Variants in ARHGAP42 observed in about 807,000 individuals in gnomAD.
ARHGAP42 encodes the protein rho GTPase-activating protein 42.
In ARHGAP42, 63 loss-of-function variants were observed where a neutral mutation model predicts 125.0. The ratio of observed to expected loss-of-function variants is 0.50; its 90% CI spans 0.41 to 0.62. The LOEUF (loss-of-function observed/expected upper bound fraction) is 0.62. ARHGAP42 is among the 20% of genes least tolerant of loss of function. The pLI is 0.00. For synonymous variants in ARHGAP42, 339 were observed against 351.0 expected (o/e 0.97, Z 0.38); for missense variants, 766 against 1,024.2 (o/e 0.75, Z 3.44).
At position 100,988,969 on chromosome 11, in the gene ARHGAP42, A is replaced by G. The variant is rs577035598; in HGVS notation, c.*168A>G. The G allele has an allele frequency of 4.0e-6, 2 of 497,238 alleles. No homozygotes were observed. The highest frequency in any genetic ancestry group is 5.8e-5 in the East Asian group (2 of 34,596). 30.8% of individuals were successfully genotyped at this position (497,238 alleles called of 1,614,324 possible). A position where few individuals can be genotyped will look rare whatever the true frequency, so the allele number is the denominator to read the frequency against. ...TAGCTCCTTATTAATGGAAAAAAAG[A>G]TTTAAATTGTTGGCCATTCTTTTTT... On this transcript the variant is annotated 3_prime_UTR_variant, in exon 24 of 24. Transcript: ENST00000298815.
intron 2 of ARHGAP42, among the ~76,000 whole-genome samples, chr11:100,780,779 A>G (rs984656065): frequency 1.3e-5 from 2 of 152,244 alleles, no homozygotes; most frequent in African/African-American, 4.8e-5. Flanking sequence ...TGGCATAAGT[A>G]GTTTAAATTT....
intron 1 of ARHGAP42, among the ~76,000 whole-genome samples, chr11:100,761,834 A>C (rs1367927267): frequency 2.0e-5 from 3 of 152,254 alleles, no homozygotes; most frequent in Non-Finnish European, 2.9e-5. Context: ...CAGTATTTCA[A>C]GTTTCTGTTC....
intron 1 of ARHGAP42, among the ~76,000 whole-genome samples, chr11:100,741,555 C>A (rs1396943079): frequency 1.3e-5 from 2 of 152,174 alleles, no homozygotes; most frequent in South Asian, 2.1e-4. Context: ...ATTGAAGAAC[C>A]CTGAAGACCT....
At chr11:100,770,515 T>C in intron 2 of ARHGAP42, 77 bp downstream of exon 2, 1 of 993,152 alleles carries the variant, frequency 1.0e-6, no homozygotes, top group Non-Finnish European at 1.5e-6. Context: ...ACCTAAATAA[T>C]AAACATGTAA....
intron 6 of ARHGAP42, among the ~76,000 whole-genome samples, chr11:100,930,550 T>G (rs1348484946): frequency 6.6e-6 from 1 of 152,204 alleles, no homozygotes; most frequent in Non-Finnish European, 1.5e-5. Flanking sequence ...AAAAGGTATT[T>G]GTCTGCTACT....
intron 4 of ARHGAP42, among the ~76,000 whole-genome samples, chr11:100,903,706 C>CAAA (rs749877720): frequency 2.1e-3 from 67 of 32,528 alleles, no homozygotes; most frequent in African/African-American, 4.1e-3. Flanking sequence ...ACATGTCCCT[C>CAAA]AAAATATATA....
intron 4 of ARHGAP42, among the ~76,000 whole-genome samples, chr11:100,895,516 T>A (rs1030756339): frequency 8.8e-5 from 13 of 148,564 alleles, no homozygotes; most frequent in Admixed American, 7.4e-4. Flanking sequence ...TTTTTTTTAA[T>A]CCTAAGATCA....
intron 4 of ARHGAP42, among the ~76,000 whole-genome samples, chr11:100,894,191 T>C (rs1866287026): frequency 6.6e-6 from 1 of 152,162 alleles, no homozygotes; most frequent in Non-Finnish European, 1.5e-5. Flanking sequence ...AAATAGTTCT[T>C]TGGGATATTT....
At chr11:100,851,940 A>G (rs1202489518) in intron 3 of ARHGAP42, among the ~76,000 whole-genome samples, 1 of 152,184 alleles carries the variant, frequency 6.6e-6, no homozygotes, top group African/African-American at 2.4e-5. Context: ...GCTGATTTCA[A>G]CACAAGGTCA....
intron 2 of ARHGAP42, among the ~76,000 whole-genome samples, chr11:100,779,520 G>GCGTATATACACGTATATATATACA (rs1554996464): frequency 0.042 from 4,607 of 110,086 alleles, 423 homozygotes; most frequent in East Asian, 0.17. Context: ...ATATATATAC[G>GCGTATATACACGTATATATATACA]TATACATGCG....
chr11:100,960,297 C>A (rs6590832), intron 13 of ARHGAP42, among the ~76,000 whole-genome samples: 88,614 of 150,584 alleles, frequency 0.59, 26,827 homozygotes, highest in African/African-American at 0.68. Flanking sequence ...TCCCTTCCTT[C>A]CTTATAGTCT....
chr11:100,723,736 T>C (rs1175111781), intron 1 of ARHGAP42, among the ~76,000 whole-genome samples: 3 of 152,158 alleles, frequency 2.0e-5, no homozygotes, highest in Non-Finnish European at 2.9e-5. Flanking sequence ...TCTTCACAAT[T>C]TGTATTTCTT....
intron 3 of ARHGAP42, among the ~76,000 whole-genome samples, chr11:100,838,801 A>G (rs1054781512): frequency 6.6e-6 from 1 of 152,206 alleles, no homozygotes; most frequent in African/African-American, 2.4e-5. Context: ...GTTGAGGATC[A>G]GTTGTTGAGT....
intron 1 of ARHGAP42, among the ~76,000 whole-genome samples, chr11:100,699,500 ATATATATTTTTTTTTTTTT>A (rs1861357104): frequency 2.5e-5 from 1 of 40,140 alleles, no homozygotes; most frequent in Non-Finnish European, 4.3e-5. Flanking sequence ...ATATATATAT[ATATATATTTTTTTTTTTTT>A]TTTTTTTTTT....
intron 6 of ARHGAP42, among the ~76,000 whole-genome samples, chr11:100,930,772 G>C (rs1278824468): frequency 6.6e-6 from 1 of 152,188 alleles, no homozygotes; most frequent in Non-Finnish European, 1.5e-5. Flanking sequence ...GTCCGTAAGA[G>C]TTTTGGTTAG....
chr11:100,779,795 G>C (rs963831520), intron 2 of ARHGAP42, among the ~76,000 whole-genome samples: 1 of 151,834 alleles, frequency 6.6e-6, no homozygotes, highest in African/African-American at 2.4e-5. Context: ...GGAGGCTGAG[G>C]CAGGTGTATT....
intron 20 of ARHGAP42, 147 bp downstream of exon 20, chr11:100,976,584 C>A (rs1858397565): frequency 7.2e-6 from 9 of 1,251,980 alleles, no homozygotes; most frequent in Non-Finnish European, 9.7e-6. Flanking sequence ...ATTTTACAAC[C>A]TAGGCACTGT....
chr11:100,705,032 A>AG (rs1307159009), intron 1 of ARHGAP42, among the ~76,000 whole-genome samples: 10 of 141,088 alleles, frequency 7.1e-5, no homozygotes, highest in Admixed American at 2.2e-4. Flanking sequence ...AAAAAAAAAA[A>AG]AGAGAGAAGA....
At chr11:100,977,964 A>G (rs2135323459) in intron 21 of ARHGAP42, among the ~76,000 whole-genome samples, 1 of 152,342 alleles carries the variant, frequency 6.6e-6, no homozygotes, top group South Asian at 2.1e-4. Flanking sequence ...TTTCTCTGAC[A>G]GGAACCTTTT....
Sources: gnomAD v4.1 joint callset for allele counts (sites outside exome capture counted in the v4.1 genomes callset) on GRCh38, gnomAD v4.1.1 for gene constraint, MANE v1.5 for transcripts, NCBI Gene and HGNC (gene_info 2026-07-23, HGNC 2026-07-21) for gene names.